Variants in SPTLC3 observed in about 807,000 individuals in gnomAD.
SPTLC3 encodes the protein serine palmitoyltransferase long chain base subunit 3.
In SPTLC3, 36 loss-of-function variants were observed where a neutral mutation model predicts 59.3. That is an observed-to-expected ratio of 0.61 (90% CI 0.47 to 0.80). SPTLC3 has a LOEUF of 0.80. Among genes scored for constraint, SPTLC3 ranks in the 30% least tolerant of loss-of-function variants. The pLI is 0.00. For synonymous variants in SPTLC3, 257 were observed against 240.8 expected (o/e 1.07, Z -0.62); for missense variants, 625 against 685.1 (o/e 0.91, Z 0.98).
rs1463765299 is a variant in SPTLC3 at position 13,165,893 on chromosome 20, A to G, written c.*1026A>G. ...ATTAAATTGTACTATCACTTGTTAC[A>G]TGCCCTCTGAATTGGGAGAAAGTGG... On this transcript the variant is annotated 3_prime_UTR_variant, in exon 12 of 12. Transcript: ENST00000399002. The G allele has an allele frequency of 6.6e-6, 1 of 152,206 alleles. No individual in the cohort carries two copies. Among genetic ancestry groups the G allele is most frequent in the Non-Finnish European group, 1.5e-5 (1 of 68,034 alleles). The allele number at this position is 152,206 out of a possible 1,614,324, so 9.4% of individuals were successfully genotyped here.
chr20:13,150,677 CT>C (rs2038621868), intron 9 of SPTLC3, among the ~76,000 whole-genome samples: 2 of 152,150 alleles, frequency 1.3e-5, no homozygotes, highest in Admixed American at 1.3e-4. Context: ...ATGTGGGATT[CT>C]TCAATTCCTG....
chr20:13,153,885 C>T, intron 9 of SPTLC3, 118 bp from the exon 10 acceptor site: 3 of 1,343,468 alleles, frequency 2.2e-6, no homozygotes, highest in Non-Finnish European at 3.1e-6. Flanking sequence ...CCTACTTCCT[C>T]CTCCCAGCTA....
intron 1 of SPTLC3, among the ~76,000 whole-genome samples, chr20:13,031,229 AG>A (rs1178568009): frequency 1.3e-5 from 2 of 152,310 alleles, no homozygotes. Flanking sequence ...CTGTCCAGTA[AG>A]GTAGCCACCA....
intron 6 of SPTLC3, among the ~76,000 whole-genome samples, chr20:13,098,495 T>G (rs2122647025): frequency 6.6e-6 from 1 of 152,340 alleles, no homozygotes; most frequent in South Asian, 2.1e-4. Context: ...TCCAATAAAA[T>G]TTTCCCTTAA....
At chr20:13,079,612 G>A (rs1988769005) in intron 4 of SPTLC3, 1 of 270,392 alleles carries the variant, frequency 3.7e-6, no homozygotes, top group Non-Finnish European at 7.8e-6. Context: ...GCACTTGTGT[G>A]TGTTCCCAGG....
chr20:13,030,252 T>C (rs1369642341), intron 1 of SPTLC3, among the ~76,000 whole-genome samples: 1 of 152,234 alleles, frequency 6.6e-6, no homozygotes, highest in African/African-American at 2.4e-5. Context: ...GGTTCATTCC[T>C]GTGGAATTTA....
chr20:13,126,563 C>CT (rs2037996481), intron 8 of SPTLC3, 28 bp from the exon 9 acceptor site: 1 of 1,611,754 alleles, frequency 6.2e-7, no homozygotes, highest in African/African-American at 1.3e-5. Context: ...TATTTGCCTT[C>CT]TTTTTGGGTT....
At chr20:13,076,248 CA>C (rs1988642110) in intron 4 of SPTLC3, among the ~76,000 whole-genome samples, 2 of 152,260 alleles carry the variant, frequency 1.3e-5, no homozygotes, top group South Asian at 4.1e-4. Flanking sequence ...AAGTATTCCG[CA>C]ACATTAACAA....
At chr20:13,129,457 G>T (rs867953995) in intron 9 of SPTLC3, among the ~76,000 whole-genome samples, 1 of 152,192 alleles carries the variant, frequency 6.6e-6, no homozygotes, top group African/African-American at 2.4e-5. Context: ...TTTCTTAATG[G>T]AAAATCAATT....
intron 7 of SPTLC3, among the ~76,000 whole-genome samples, chr20:13,110,602 C>T (rs1438152459): frequency 2.0e-5 from 3 of 152,196 alleles, no homozygotes; most frequent in East Asian, 3.9e-4. Context: ...ATGGGTGGCC[C>T]GGATGCCCCT....
intron 9 of SPTLC3, among the ~76,000 whole-genome samples, chr20:13,151,853 A>T (rs111423504): frequency 0.018 from 2,793 of 152,138 alleles, 54 homozygotes; most frequent in South Asian, 0.03. Flanking sequence ...GCCCTTCAGG[A>T]CCTCTACCTA....
intron 10 of SPTLC3, among the ~76,000 whole-genome samples, chr20:13,159,724 G>A (rs1288221289): frequency 5.3e-5 from 8 of 151,928 alleles, no homozygotes; most frequent in Admixed American, 1.3e-4. Context: ...TTTTCTGCTT[G>A]GTGTCAAAGA....
intron 7 of SPTLC3, among the ~76,000 whole-genome samples, chr20:13,114,802 G>C (rs911166341): frequency 2.6e-5 from 4 of 152,174 alleles, no homozygotes; most frequent in African/African-American, 9.7e-5. Flanking sequence ...CACCATGTGA[G>C]TTAGCTAGCC....
rs2038977676 is a variant in SPTLC3, at chr20:13,165,842, C to T, written c.*975C>T. On this transcript the variant is annotated 3_prime_UTR_variant, in exon 12 of 12. Coordinates refer to ENST00000399002, the MANE Select transcript of SPTLC3 (RefSeq NM_018327.4). ...ATTTAAAAGCAAATTCTGACTTTTT[C>T]AAGACCAACACACTTGTTTAGGCCT... 1 of 152,202 alleles carries T rather than the reference C, an allele frequency of 6.6e-6. No homozygotes were observed. Among genetic ancestry groups the T allele is most frequent in the African/African-American group, 2.4e-5 (1 of 41,458 alleles). 9.4% of individuals were successfully genotyped at this position (152,202 alleles called of 1,614,324 possible).
intron 1 of SPTLC3, among the ~76,000 whole-genome samples, chr20:13,048,043 A>C (rs1428105585): frequency 6.6e-6 from 1 of 152,200 alleles, no homozygotes; most frequent in Non-Finnish European, 1.5e-5. Context: ...TTTAATAAGA[A>C]TAACAGGCTT....
intron 1 of SPTLC3, among the ~76,000 whole-genome samples, chr20:13,020,667 C>T (rs1985833799): frequency 6.6e-6 from 1 of 152,112 alleles, no homozygotes; most frequent in Non-Finnish European, 1.5e-5. Flanking sequence ...TATGTGGTAG[C>T]TTTTCGCACT....
intron 2 of SPTLC3, among the ~76,000 whole-genome samples, chr20:13,061,737 A>G (rs1600241993): frequency 6.6e-6 from 1 of 152,072 alleles, no homozygotes; most frequent in East Asian, 1.9e-4. Flanking sequence ...TTATCAGACT[A>G]CTTCTTACCA....
In SPTLC3 at chr20:13,077,308, AAAGT is replaced by A. The variant is rs552875919; in HGVS notation, c.607+2815_607+2818del. Among the ~76,000 whole-genome samples the A allele has an allele frequency of 3.4e-3, 478 of 141,636 alleles. 1 individual carries two copies. The highest frequency in any genetic ancestry group is 0.011 in the African/African-American group (455 of 39,748). The allele number at this position is 141,636 out of a possible 152,430, so 92.9% of individuals were successfully genotyped here. A position where few individuals can be genotyped will look rare whatever the true frequency, so the allele number is the denominator to read the frequency against. ...ATAATATTATTACTTATAAAGTAAT[AAAGT>A]AAGAAGCCAAAAATAAATAAATGAT... On this transcript the variant is annotated intron_variant, in intron 4 of 11. Coordinates refer to ENST00000399002, the MANE Select transcript of SPTLC3 (RefSeq NM_018327.4).
intron 4 of SPTLC3, among the ~76,000 whole-genome samples, chr20:13,074,714 G>T (rs775833985): frequency 9.2e-5 from 14 of 152,206 alleles, no homozygotes; most frequent in Non-Finnish European, 1.6e-4. Flanking sequence ...AGACAAAAAT[G>T]GATCTTTCCT....
Sources: gnomAD v4.1 joint callset for allele counts (sites outside exome capture counted in the v4.1 genomes callset) on GRCh38, gnomAD v4.1.1 for gene constraint, MANE v1.5 for transcripts, NCBI Gene and HGNC (gene_info 2026-07-23, HGNC 2026-07-21) for gene names.